ME3: variants seen among roughly 807,000 people sequenced by gnomAD.
The protein encoded by ME3 is NADP-dependent malic enzyme, mitochondrial.
ME3 carries 48 observed loss-of-function variants against 68.9 expected under a neutral mutation model. That is an observed-to-expected ratio of 0.70 (90% CI 0.55 to 0.89). ME3 has a LOEUF of 0.89. Among genes scored for constraint, ME3 ranks in the 40% least tolerant of loss-of-function variants. The pLI, the probability that ME3 is intolerant of heterozygous loss-of-function variation, is 0.00. For synonymous variants in ME3, 320 were observed against 318.8 expected, an observed-to-expected ratio of 1.00 and a Z score of -0.04; for missense variants, 675 against 797.4, an observed-to-expected ratio of 0.85 and a Z score of 1.85.
At chr11:86,565,222 A>G (rs1004483699) in intron 2 of ME3, among the ~76,000 whole-genome samples, 1 of 151,856 alleles carries the variant, frequency 6.6e-6, no homozygotes, top group Non-Finnish European at 1.5e-5. Context: ...CACCCCCCCT[A>G]GGAAACAAGT....
chr11:86,638,265 A>G (rs1475162293), intron 2 of ME3, among the ~76,000 whole-genome samples: 1 of 152,196 alleles, frequency 6.6e-6, no homozygotes, highest in Non-Finnish European at 1.5e-5. Context: ...ATGTAAGTAC[A>G]GGGAGTGCAG....
At chr11:86,568,076 C>T (rs1957586479) in intron 2 of ME3, among the ~76,000 whole-genome samples, 1 of 152,124 alleles carries the variant, frequency 6.6e-6, no homozygotes, top group South Asian at 2.1e-4. Context: ...AATAGAGTTA[C>T]AGATTATATT....
intron 2 of ME3, among the ~76,000 whole-genome samples, chr11:86,598,957 C>G (rs1356461739): frequency 2.0e-5 from 3 of 152,150 alleles, no homozygotes; most frequent in African/African-American, 4.8e-5. Flanking sequence ...CTGTACATCA[C>G]CATCATCAAA....
At chr11:86,628,400 T>G (rs1943797804) in intron 2 of ME3, among the ~76,000 whole-genome samples, 1 of 152,254 alleles carries the variant, frequency 6.6e-6, no homozygotes, top group South Asian at 2.1e-4. Flanking sequence ...CTGTCTTTCC[T>G]AAGCAGTTGT....
downstream of ME3, among the ~76,000 whole-genome samples, chr11:86,439,432 C>A (rs1948917332): frequency 6.6e-6 from 1 of 152,128 alleles, no homozygotes; most frequent in African/African-American, 2.4e-5. Context: ...TTATTGATTT[C>A]TAATTTAGTT....
intron 7 of ME3, among the ~76,000 whole-genome samples, chr11:86,475,872 TATAGAGAGAG>T (rs1166657216): frequency 4.8e-5 from 5 of 103,728 alleles, no homozygotes; most frequent in South Asian, 3.2e-4. Flanking sequence ...TATATATATA[TATAGAGAGAG>T]AGAGAGAGAG....
chr11:86,639,802 A>G (rs1944554394), intron 2 of ME3, among the ~76,000 whole-genome samples: 1 of 152,214 alleles, frequency 6.6e-6, no homozygotes, highest in African/African-American at 2.4e-5. Flanking sequence ...GGCTATAAAC[A>G]TAGTTTTGCT....
chr11:86,612,236 A>G (rs1203669163), intron 2 of ME3, among the ~76,000 whole-genome samples: 1 of 152,246 alleles, frequency 6.6e-6, no homozygotes, highest in East Asian at 1.9e-4. Context: ...TGCAAAGGAC[A>G]TGATCTCATT....
chr11:86,644,474 C>A lies in ME3; in HGVS notation c.183+27288G>T, dbSNP rs1472580034. Reference sequence around the variant, plus strand: ...CAATCTGACCCCTGAGCTCTTTCCACCCTGATTTTATGCAATTTCCTTTTA... The same window carrying A: ...CAATCTGACCCCTGAGCTCTTTCCAACCTGATTTTATGCAATTTCCTTTTA... On this transcript the variant is annotated intron_variant, in intron 2 of 14. Transcript: ENST00000543262. Among the ~76,000 whole-genome samples, 2 of 152,162 alleles carry A rather than the reference C, an allele frequency of 1.3e-5. 1 individual carries two copies.
chr11:86,616,128 C>T (rs994740583), intron 2 of ME3, among the ~76,000 whole-genome samples: 1 of 152,142 alleles, frequency 6.6e-6, no homozygotes, highest in Non-Finnish European at 1.5e-5. Flanking sequence ...TGCATTATGA[C>T]CCATTTTGGT....
chr11:86,586,546 AGGGTTAT>A (rs1346972622), intron 2 of ME3, among the ~76,000 whole-genome samples: 1 of 152,196 alleles, frequency 6.6e-6, no homozygotes, highest in African/African-American at 2.4e-5. Flanking sequence ...GAAGTCACCC[AGGGTTAT>A]GGCAAGACTG....
intron 4 of ME3, among the ~76,000 whole-genome samples, chr11:86,513,175 G>A (rs904899657): frequency 1.3e-5 from 2 of 152,150 alleles, no homozygotes; most frequent in Admixed American, 1.3e-4. Context: ...TTGAAGATAA[G>A]AAGGAGAGAG....
chr11:86,498,219 A>T (rs1433605209), intron 5 of ME3, 95 bp from the exon 6 acceptor site: 1 of 1,417,828 alleles, frequency 7.1e-7, no homozygotes, highest in African/African-American at 1.4e-5. Flanking sequence ...TGGCGACTGG[A>T]TGCCCACTGA....
At chr11:86,450,026 G>A (rs1045217766) in intron 9 of ME3, 24 bp from the exon 10 acceptor site, 33 of 1,543,212 alleles carry the variant, frequency 2.1e-5, no homozygotes, top group Non-Finnish European at 2.8e-5. Context: ...TAGGGTAGAT[G>A]TTCAGACACA....
intron 5 of ME3, among the ~76,000 whole-genome samples, chr11:86,506,931 A>C (rs1953122569): frequency 6.6e-6 from 1 of 152,136 alleles, no homozygotes; most frequent in Non-Finnish European, 1.5e-5. Context: ...TGGGACCAAA[A>C]CCTGCAGGGC....
At chr11:86,582,386 C>G (rs2139615849) in intron 2 of ME3, among the ~76,000 whole-genome samples, 1 of 152,298 alleles carries the variant, frequency 6.6e-6, no homozygotes, top group Admixed American at 6.5e-5. Flanking sequence ...AAGTCCTTGG[C>G]CCCTACCTGT....
At chr11:86,449,209 T>G (rs1046808908) in intron 10 of ME3, among the ~76,000 whole-genome samples, 6 of 152,258 alleles carry the variant, frequency 3.9e-5, no homozygotes, top group African/African-American at 1.4e-4. Context: ...AGTGAAATTC[T>G]GGGAATTAAA....
At chr11:86,670,467 A>C (rs1946854548) in intron 2 of ME3, among the ~76,000 whole-genome samples, 1 of 152,216 alleles carries the variant, frequency 6.6e-6, no homozygotes, top group Non-Finnish European at 1.5e-5. Context: ...TGTGTGCTTA[A>C]GCCAGTTTGT....
chr11:86,624,936 G>A (rs1264444135), intron 2 of ME3, among the ~76,000 whole-genome samples: 2 of 152,184 alleles, frequency 1.3e-5, no homozygotes, highest in East Asian at 1.9e-4. Flanking sequence ...CAAGTATTTG[G>A]ACTATGTGTA....
Sources: allele counts gnomAD v4.1 joint callset (sites outside exome capture counted in the v4.1 genomes callset), GRCh38; gene constraint gnomAD v4.1.1; transcripts MANE v1.5; gene names NCBI Gene and HGNC (gene_info 2026-07-23, HGNC 2026-07-21).